The following MRPL35 variants were observed in gnomAD, a reference collection of about 807,000 sequenced individuals.
The protein encoded by MRPL35 is mitochondrial ribosomal protein L35.
MRPL35 carries 18 observed loss-of-function variants against 21.6 expected under a neutral mutation model. The ratio of observed to expected loss-of-function variants is 0.83; its 90% CI spans 0.58 to 1.24. MRPL35 has a LOEUF of 1.24. Among genes scored for constraint, MRPL35 ranks in the 50% most tolerant of loss-of-function variants. MRPL35 has a pLI of 0.00. For missense variants in MRPL35, 223 were observed against 223.2 expected (o/e 1.00, Z 0.01); for synonymous variants, 87 against 86.9 (o/e 1.00, Z -0.01).
chr2:86,212,246 G>A lies in MRPL35; in HGVS notation c.*1578G>A, dbSNP rs1342669577. On this transcript the variant is annotated 3_prime_UTR_variant, in exon 4 of 4. Transcript: ENST00000337109. ...ATTAGGGAGATTCCTCGAAACTAGT[G>A]TGTGTTTATTAAAAGGAGAAAGGAT... 2 of 1,384,432 alleles carry A rather than the reference G, an allele frequency of 1.4e-6. No individual in the cohort carries two copies. The highest frequency in any genetic ancestry group is 1.9e-6 in the Non-Finnish European group (2 of 1,066,204). The allele number at this position is 1,384,432 out of a possible 1,614,324, so 85.8% of individuals were successfully genotyped here. A position where few individuals can be genotyped will look rare whatever the true frequency, so the allele number is the denominator to read the frequency against.
rs768843426 is a variant in MRPL35, at chr2:86,199,466, G to A, written c.-25G>A. The A allele has an allele frequency of 6.2e-6, 10 of 1,613,996 alleles. No individual in the cohort carries two copies. The highest frequency in any genetic ancestry group is 8.5e-6 in the Non-Finnish European group (10 of 1,180,002). On this transcript the variant is annotated 5_prime_UTR_variant, in exon 1 of 4. Transcript: ENST00000337109. Reference sequence around the variant, plus strand: ...TTGCTCTTGTGCTTTTAAACCCAAAGCGGCCGCCGTAGGCGAAGGTGAAGA... The same window carrying A: ...TTGCTCTTGTGCTTTTAAACCCAAAACGGCCGCCGTAGGCGAAGGTGAAGA...
At chr2:86,199,817 CA>C (rs776137265) in intron 1 of MRPL35, among the ~76,000 whole-genome samples, 4 of 152,126 alleles carry the variant, frequency 2.6e-5, no homozygotes, top group Non-Finnish European at 5.9e-5. Flanking sequence ...CGAGGGAAAC[CA>C]AAAAGTCTCA....
chr2:86,210,482 T>A lies in MRPL35; in HGVS notation c.381T>A (p.Ala127=). ...CATTTCTTTGTAATATCTGACAGGC[T>A]GGCTATAAGAAAAAATTATGGAAAA... ...LHCGLWVRRK[A]GYKKKLWKKT... Residue 127 remains alanine (A), a splice_region_variant and synonymous_variant, in exon 4 of 4, where the codon GCT becomes GCA. Coordinates refer to ENST00000337109, the MANE Select transcript of MRPL35 (RefSeq NM_016622.4). The A allele has an allele frequency of 1.2e-6, 2 of 1,604,802 alleles. No individual in the cohort carries two copies. Among genetic ancestry groups the A allele is most frequent in the Non-Finnish European group, 1.7e-6 (2 of 1,176,328 alleles).
At position 86,207,399 on chromosome 2, in the gene MRPL35, C is replaced by G. The variant is rs574338127; in HGVS notation, c.378+72C>G. ...GGCGTGGTGGCTCACGCCTATAATCCCAGCACTTTGGCGGGTGGATCATAA... is the reference window on the plus strand; with the variant it reads ...GGCGTGGTGGCTCACGCCTATAATCGCAGCACTTTGGCGGGTGGATCATAA... On this transcript the variant is annotated intron_variant, in intron 3 of 3. Coordinates refer to ENST00000337109, the MANE Select transcript of MRPL35 (RefSeq NM_016622.4). 4.5e-4 allele frequency: 683 copies of G among 1,512,060 alleles called. 2 individuals carry two copies. Among genetic ancestry groups the G allele is most frequent in the Non-Finnish European group, 5.9e-4 (666 of 1,124,004 alleles). 93.7% of individuals were successfully genotyped at this position (1,512,060 alleles called of 1,614,324 possible).
Position 86,210,744 on chromosome 2 carries a change from C to T in MRPL35, c.*76C>T, listed in dbSNP as rs568472177. On this transcript the variant is annotated 3_prime_UTR_variant, in exon 4 of 4. Coordinates refer to ENST00000337109, the MANE Select transcript of MRPL35 (RefSeq NM_016622.4). ...ATATCTTTGCAAAAATGGATAAGTA[C>T]AAAACTTGATGTAAATTGTACCAAT... 2 of 1,476,310 alleles carry T rather than the reference C, an allele frequency of 1.4e-6. No individual in the cohort carries two copies. Among genetic ancestry groups the T allele is most frequent in the South Asian group, 3.1e-5 (2 of 64,668 alleles). The allele number at this position is 1,476,310 out of a possible 1,614,324, so 91.5% of individuals were successfully genotyped here.
chr2:86,211,307 C>A lies in MRPL35; in HGVS notation c.*639C>A. On this transcript the variant is annotated 3_prime_UTR_variant, in exon 4 of 4. Transcript: ENST00000337109. Reference sequence around the variant, plus strand: ...TCTACATGATGACCTTCAGCTCCTGCTGCTAGTCTCCAATTGCCAAGGGAA... The same window carrying A: ...TCTACATGATGACCTTCAGCTCCTGATGCTAGTCTCCAATTGCCAAGGGAA... The A allele has an allele frequency of 1.1e-6, 1 of 882,536 alleles. No individual in the cohort carries two copies. Among genetic ancestry groups the A allele is most frequent in the Non-Finnish European group, 1.4e-6 (1 of 736,454 alleles). The allele number at this position is 882,536 out of a possible 1,614,324, so 54.7% of individuals were successfully genotyped here. A position where few individuals can be genotyped will look rare whatever the true frequency, so the allele number is the denominator to read the frequency against.
intron 1 of MRPL35, among the ~76,000 whole-genome samples, chr2:86,203,307 C>T (rs574744686): frequency 6.6e-6 from 1 of 152,066 alleles, no homozygotes; most frequent in East Asian, 1.9e-4. Flanking sequence ...TGGTCTTGAC[C>T]TCCTGATCTC....
intron 3 of MRPL35, among the ~76,000 whole-genome samples, chr2:86,208,329 C>T (rs1266296812): frequency 6.6e-6 from 1 of 150,512 alleles, no homozygotes; most frequent in Non-Finnish European, 1.5e-5. Flanking sequence ...TTTTTTGAGA[C>T]AAAGTGTCAC....
intron 1 of MRPL35, among the ~76,000 whole-genome samples, chr2:86,200,576 C>G (rs1347299941): frequency 6.6e-6 from 1 of 152,196 alleles, no homozygotes; most frequent in Non-Finnish European, 1.5e-5. Context: ...TTGAACTTCA[C>G]ATGAATTGGT....
At chr2:86,210,411 T>G in intron 3 of MRPL35, 69 bp from the exon 4 acceptor site, 4 of 1,296,686 alleles carry the variant, frequency 3.1e-6, no homozygotes, top group Non-Finnish European at 4.1e-6. Flanking sequence ...CTATAAACCT[T>G]GAGTTGTGAA....
In MRPL35 at chr2:86,207,347, C is replaced by A. The variant is rs1170172982; in HGVS notation, c.378+20C>A. 1.3e-6 allele frequency: 2 copies of A among 1,597,868 alleles called. No individual in the cohort carries two copies. The highest frequency in any genetic ancestry group is 1.8e-5 in the Admixed American group (1 of 56,510). On this transcript the variant is annotated intron_variant, in intron 3 of 3. Coordinates refer to ENST00000337109, the MANE Select transcript of MRPL35 (RefSeq NM_016622.4). ...AGAAAGGTGAGTCTTCACACTGTTA[C>A]TAAATTGAAAAAGGAATGTGAGGCC...
At position 86,210,526 on chromosome 2, in the gene MRPL35, A is replaced by C. The variant is rs780767177; in HGVS notation, c.425A>C (p.Lys142Thr). The change falls in exon 4 of 4, where the codon AAG (lysine) becomes ACG (threonine). Residue 142 changes from lysine (K) to threonine (T), a missense_variant. Coordinates refer to ENST00000337109, the MANE Select transcript of MRPL35 (RefSeq NM_016622.4). ...KLWKKTPARK[K>T]RLREFVFCNK... is the part of the protein sequence containing the mutation. The stretch of plus-strand genomic sequence containing the variant: ...TGGAAAAAGACACCTGCAAGGAAGA[A>C]GCGATTGAGGGAATTTGTATTCTGC... The C allele has an allele frequency of 3.1e-6, 5 of 1,612,424 alleles. No individual in the cohort carries two copies. The highest frequency in any genetic ancestry group is 1.3e-5 in the African/African-American group (1 of 74,830).
At chr2:86,206,033 G>T (rs1395739743) in intron 1 of MRPL35, 73 bp from the exon 2 acceptor site, 2 of 1,301,804 alleles carry the variant, frequency 1.5e-6, no homozygotes, top group Non-Finnish European at 1.1e-6. Flanking sequence ...TGGTGGCAGT[G>T]ATACATCTCT....
intron 1 of MRPL35, 31 bp from the exon 2 acceptor site, chr2:86,206,075 G>A (rs369137798): frequency 6.6e-7 from 1 of 1,522,478 alleles, no homozygotes; most frequent in Non-Finnish European, 9.0e-7. Flanking sequence ...ATATTTTGGA[G>A]TATTAAATAT....
rs755014014 is a variant in MRPL35 at position 86,210,586 on chromosome 2, C to T, written c.485C>T (p.Thr162Met). The change falls in exon 4 of 4, where the codon ACG becomes ATG. Residue 162 changes from threonine (T) to methionine (M), a missense_variant. Coordinates refer to ENST00000337109, the MANE Select transcript of MRPL35 (RefSeq NM_016622.4). Reference protein sequence around the residue: ...KTQSKLLDKMTTSFWKRRNWY... With the variant: ...KTQSKLLDKMMTSFWKRRNWY... Reference sequence around the variant, plus strand: ...CAGAGTAAACTCTTAGATAAAATGACGACGTCCTTCTGGAAGAGGCGAAAC... The same window carrying T: ...CAGAGTAAACTCTTAGATAAAATGATGACGTCCTTCTGGAAGAGGCGAAAC... 18 of 1,613,912 alleles carry T rather than the reference C, an allele frequency of 1.1e-5. No individual in the cohort carries two copies. The highest frequency in any genetic ancestry group is 3.3e-5 in the South Asian group (3 of 91,064).
Position 86,212,670 on chromosome 2 carries a change from C to T in MRPL35, c.*2002C>T. On this transcript the variant is annotated 3_prime_UTR_variant, in exon 4 of 4. Coordinates refer to ENST00000337109, the MANE Select transcript of MRPL35 (RefSeq NM_016622.4). ...GGACAGGTGTAGAGATAAGGACTGG[C>T]AACCAGAGCCTCAGCATCCAAAGAT... 8.1e-7 allele frequency: 1 copy of T among 1,242,074 alleles called. No homozygotes were observed. Among genetic ancestry groups the T allele is most frequent in the Non-Finnish European group, 1.0e-6 (1 of 992,166 alleles). 76.9% of individuals were successfully genotyped at this position (1,242,074 alleles called of 1,614,324 possible).
chr2:86,211,614 A>T lies in MRPL35; in HGVS notation c.*946A>T. ...CCTTCAGCATGCTCATTCATGAAAC[A>T]GAAGAGGCTGTACAAGTGAAGACAA... On this transcript the variant is annotated 3_prime_UTR_variant, in exon 4 of 4. Coordinates refer to ENST00000337109, the MANE Select transcript of MRPL35 (RefSeq NM_016622.4). The T allele has an allele frequency of 1.0e-6, 1 of 985,478 alleles. No homozygotes were observed. Among genetic ancestry groups the T allele is most frequent in the South Asian group, 4.7e-5 (1 of 21,294 alleles). 61.0% of individuals were successfully genotyped at this position (985,478 alleles called of 1,614,324 possible). A position where few individuals can be genotyped will look rare whatever the true frequency, so the allele number is the denominator to read the frequency against.
At chr2:86,202,934 C>T (rs1673718021) in intron 1 of MRPL35, among the ~76,000 whole-genome samples, 1 of 151,758 alleles carries the variant, frequency 6.6e-6, no homozygotes, top group African/African-American at 2.4e-5. Flanking sequence ...AGGTGATCCG[C>T]CGGGGCCTCC....
At chr2:86,207,839 A>G (rs1434788894) in intron 3 of MRPL35, among the ~76,000 whole-genome samples, 1 of 149,484 alleles carries the variant, frequency 6.7e-6, no homozygotes, top group Non-Finnish European at 1.5e-5. Context: ...CCTGGAAGGC[A>G]GAGGCTGCAG....
Sources: allele counts gnomAD v4.1 joint callset (sites outside exome capture counted in the v4.1 genomes callset), GRCh38; gene constraint gnomAD v4.1.1; transcripts MANE v1.5; gene names NCBI Gene and HGNC (gene_info 2026-07-23, HGNC 2026-07-21).